The following MARK2 variants were observed in gnomAD, a reference collection of about 807,000 sequenced individuals.
MARK2 encodes serine/threonine-protein kinase MARK2.
A neutral mutation model predicts 89.8 loss-of-function variants in MARK2; 16 were observed. That is an observed-to-expected ratio of 0.18 (90% CI 0.12 to 0.27). The LOEUF (loss-of-function observed/expected upper bound fraction) is 0.27. MARK2 is among the 10% of genes least tolerant of loss of function. The pLI is 1.00. For missense variants in MARK2, 621 were observed against 1,049.9 expected, an observed-to-expected ratio of 0.59 and a Z score of 5.65; for synonymous variants, 382 against 399.5, an observed-to-expected ratio of 0.96 and a Z score of 0.52.
At chr11:63,858,735 G>A (rs1444885259) in intron 1 of MARK2, among the ~76,000 whole-genome samples, 3 of 152,200 alleles carry the variant, frequency 2.0e-5, no homozygotes, top group Non-Finnish European at 4.4e-5. Flanking sequence ...AGAGTAAAGG[G>A]ATTCCAGACA....
At chr11:63,868,753 G>C in intron 1 of MARK2, 1 of 454,618 alleles carries the variant, frequency 2.2e-6, no homozygotes, top group Non-Finnish European at 4.4e-6. Flanking sequence ...CCTCTTTTTT[G>C]ATGGGTGGGC....
chr11:63,883,991 T>C (rs1939251714), intron 1 of MARK2, among the ~76,000 whole-genome samples: 1 of 152,190 alleles, frequency 6.6e-6, no homozygotes, highest in Non-Finnish European at 1.5e-5. Context: ...GTCACTTTGC[T>C]CATGTTCAGT....
intron 1 of MARK2, among the ~76,000 whole-genome samples, chr11:63,843,027 A>T (rs918719963): frequency 1.3e-5 from 2 of 151,994 alleles, no homozygotes; most frequent in Admixed American, 6.6e-5. Flanking sequence ...AAAAAAGTTA[A>T]GCCCTGTCTT....
chr11:63,854,379 T>C (rs1342489303), intron 1 of MARK2, among the ~76,000 whole-genome samples: 1 of 121,806 alleles, frequency 8.2e-6, no homozygotes, highest in East Asian at 2.4e-4. Flanking sequence ...TTTCTATTTG[T>C]TTTTTTTTTT....
rs554336565 is a variant in MARK2, at chr11:63,902,802, C to G, written c.1416+20C>G. ...TCCACGGTGAGCCGCACCCCCCGCT[C>G]TCTCCTTCCTTCCTGCGGTGGGGCC... On this transcript the variant is annotated intron_variant, in intron 13 of 18. Coordinates refer to ENST00000402010, the MANE Select transcript of MARK2 (RefSeq NM_001039469.3). The surrounding 1 kb of genome is among the most constrained non-coding windows in gnomAD (Gnocchi z 4.2). 7.9e-5 allele frequency: 126 copies of G among 1,593,486 alleles called. No individual in the cohort carries two copies. The highest frequency in any genetic ancestry group is 6.8e-4 in the South Asian group (62 of 90,522).
rs764981503 is a variant in MARK2 at position 63,909,231 on chromosome 11, G to T, written c.2361G>T (p.Lys787Asn). The T allele has an allele frequency of 1.1e-5, 17 of 1,585,070 alleles. No individual in the cohort carries two copies. In the Admixed American group the frequency reaches 2.7e-4, roughly 25 times the overall value. Residue 787 changes from lysine (K) to asparagine (N), a missense_variant, in exon 19 of 19, where the codon AAG (lysine) becomes AAT (asparagine). Physicochemically the swap from Lys to Asn is moderately conservative, Grantham distance 94. Transcript: ENST00000402010. ...CCTCCAAAATAGCCAACGAGCTGAA[G>T]CTTTAACAGGCTGCCAGGAGCGGGG... ...NIASKIANELKL is the reference protein window; with the variant it reads ...NIASKIANELNL
intron 16 of MARK2, among the ~76,000 whole-genome samples, chr11:63,905,773 G>C (rs1941274208): frequency 6.6e-6 from 1 of 152,204 alleles, no homozygotes; most frequent in South Asian, 2.1e-4. Context: ...CCCTGCCTTG[G>C]AGTAGCAGCT....
intron 1 of MARK2, chr11:63,869,059 A>G (rs1298854462): frequency 5.7e-6 from 2 of 353,286 alleles, no homozygotes; most frequent in East Asian, 1.5e-4. Context: ...TTCTTCCTTG[A>G]TTCTGGTCTT....
chr11:63,884,677 AT>A (rs1939290082), intron 1 of MARK2, among the ~76,000 whole-genome samples: 2 of 152,126 alleles, frequency 1.3e-5, no homozygotes, highest in African/African-American at 4.8e-5. Flanking sequence ...GTCACAGTTA[AT>A]TTTGGGGGTG....
In MARK2 at chr11:63,902,726, C is replaced by T. The variant is rs1463028202; in HGVS notation, c.1360C>T (p.Pro454Ser). Residue 454 changes from proline to serine, a missense_variant, in exon 13 of 19, where the codon CCT becomes TCT. Pro to Ser is a moderately conservative substitution (Grantham distance 74). Coordinates refer to ENST00000402010, the MANE Select transcript of MARK2 (RefSeq NM_001039469.3). This position sits in a 1 kb window ranked among gnomAD's most constrained non-coding sequence, Gnocchi z 4.2. ...GRKASSTAKV[P>S]ASPLPGLERK... Reference sequence around the variant, plus strand: ...GAAAGCCAGCAGCACAGCCAAGGTGCCTGCCAGCCCCCTGCCCGGTCTGGA... The same window carrying T: ...GAAAGCCAGCAGCACAGCCAAGGTGTCTGCCAGCCCCCTGCCCGGTCTGGA... 1.9e-6 allele frequency: 3 copies of T among 1,613,992 alleles called. No individual in the cohort carries two copies. Among genetic ancestry groups the T allele is most frequent in the African/African-American group, 2.7e-5 (2 of 75,042 alleles).
chr11:63,908,498 A>G lies in MARK2; in HGVS notation c.2006+194A>G, dbSNP rs565855256. The stretch of plus-strand genomic sequence containing the variant: ...GCAGGAGTTACGGGCCCTTCTCCTC[A>G]GGTCTGGTATATTCTGGAAGTCGGA... On this transcript the variant is annotated intron_variant, in intron 18 of 18. Transcript: ENST00000402010. Among the ~76,000 whole-genome samples, 5 of 152,126 alleles carry G rather than the reference A, an allele frequency of 3.3e-5. No homozygotes were observed. The South Asian group carries it at 8.3e-4, about 25-fold the overall frequency.
In MARK2 at chr11:63,903,054, C is replaced by T. The variant is rs754696582; in HGVS notation, c.1417-7C>T. Reference sequence around the variant, plus strand: ...CTGATAGAACGCTTGCCCTTTATTCCCCACAGAACAGCGTCCTCTCCACCA... The same window carrying T: ...CTGATAGAACGCTTGCCCTTTATTCTCCACAGAACAGCGTCCTCTCCACCA... On this transcript the variant is annotated splice_region_variant and splice_polypyrimidine_tract_variant and intron_variant, in intron 13 of 18. Transcript: ENST00000402010. The surrounding 1 kb of genome is among the most constrained non-coding windows in gnomAD (Gnocchi z 5.1). 121 of 1,613,036 alleles carry T rather than the reference C, an allele frequency of 7.5e-5. No homozygotes were observed. Among genetic ancestry groups the T allele is most frequent in the Non-Finnish European group, 1.0e-4 (119 of 1,179,216 alleles).
At chr11:63,892,869 A>G (rs979238170) in intron 1 of MARK2, among the ~76,000 whole-genome samples, 1 of 148,116 alleles carries the variant, frequency 6.8e-6, no homozygotes, top group African/African-American at 2.5e-5. Context: ...AGCTGGGACT[A>G]TAGGTGCATG....
rs777345271 is a variant in MARK2, at chr11:63,891,475, C to T, written c.55-3684C>T. On this transcript the variant is annotated intron_variant, in intron 1 of 18. Coordinates refer to ENST00000402010, the MANE Select transcript of MARK2 (RefSeq NM_001039469.3). The stretch of plus-strand genomic sequence containing the variant: ...TGCTGTGCCACACAGACCAGCCCCT[C>T]GGTTCACCAAGAGGGATGGGCAGAG... Among the ~76,000 whole-genome samples, 12 of 152,324 alleles carry T rather than the reference C, an allele frequency of 7.9e-5. No homozygotes were observed. The East Asian group carries it at 1.2e-3, about 15-fold the overall frequency.
chr11:63,901,177 C>T, intron 11 of MARK2, 108 bp downstream of exon 11: 1 of 720,046 alleles, frequency 1.4e-6, no homozygotes, highest in Non-Finnish European at 2.5e-6. Flanking sequence ...TAGGTGTGCT[C>T]TCTGCTCACC....
At chr11:63,885,833 CA>C (rs1244251214) in intron 1 of MARK2, among the ~76,000 whole-genome samples, 53 of 130,856 alleles carry the variant, frequency 4.1e-4, no homozygotes, top group South Asian at 5.3e-4. Flanking sequence ...GACTCCATCT[CA>C]AAAAAAAAAA....
intron 17 of MARK2, 139 bp downstream of exon 17, chr11:63,906,253 G>T (rs1312409858): frequency 2.7e-6 from 3 of 1,131,734 alleles, no homozygotes; most frequent in Non-Finnish European, 3.4e-6. Flanking sequence ...TCCTCTCTCT[G>T]CCATCTTAAA....
At chr11:63,876,568 C>T (rs1938768321) in intron 1 of MARK2, among the ~76,000 whole-genome samples, 2 of 152,242 alleles carry the variant, frequency 1.3e-5, no homozygotes, top group Admixed American at 6.5e-5. Context: ...GCCGTGGCCT[C>T]TGGCCACCCA....
At chr11:63,906,474 C>A (rs772271282) in intron 17 of MARK2, among the ~76,000 whole-genome samples, 1 of 149,734 alleles carries the variant, frequency 6.7e-6, no homozygotes, top group South Asian at 2.1e-4. Flanking sequence ...CTCCTCTCAC[C>A]CACCCCACCC....
Sources: gnomAD v4.1 joint callset for allele counts (sites outside exome capture counted in the v4.1 genomes callset) on GRCh38, gnomAD v4.1.1 for gene constraint, Gnocchi (gnomAD v3.1) non-coding constraint, MANE v1.5 for transcripts, NCBI Gene and HGNC (gene_info 2026-07-23, HGNC 2026-07-21) for gene names.